Variants in PDE1C observed in about 807,000 individuals in gnomAD.
The protein encoded by PDE1C is phosphodiesterase 1C.
A neutral mutation model predicts 93.1 loss-of-function variants in PDE1C; 62 were observed. The observed-to-expected ratio is 0.67, with a 90% confidence interval of 0.54 to 0.82. The LOEUF (loss-of-function observed/expected upper bound fraction) is 0.82. PDE1C is among the 40% of genes least tolerant of loss of function. The pLI is 0.00. For synonymous variants in PDE1C, 325 were observed against 310.1 expected (o/e 1.05, Z -0.50); for missense variants, 742 against 884.6 (o/e 0.84, Z 2.04).
chr7:31,997,461 C>T (rs988880850), intron 2 of PDE1C, among the ~76,000 whole-genome samples: 1 of 152,102 alleles, frequency 6.6e-6, no homozygotes, highest in African/African-American at 2.4e-5. Flanking sequence ...GAAGCATTTC[C>T]ACAGAAAGCG....
chr7:31,710,740 TC>T, the PDE1C span, among the ~76,000 whole-genome samples: 1 of 152,174 alleles, frequency 6.6e-6, no homozygotes, highest in Non-Finnish European at 1.5e-5. Context: ...CTCAAAAATC[TC>T]CCCAAGGCAG....
chr7:31,816,111 G>C lies in PDE1C; in HGVS notation c.1626C>G (p.Ala542=), dbSNP rs371391797. The C allele has an allele frequency of 8.1e-6, 13 of 1,613,784 alleles. No individual in the cohort carries two copies. Among genetic ancestry groups the C allele is most frequent in the Non-Finnish European group, 7.6e-6 (9 of 1,179,922 alleles). The change falls in exon 15 of 18, where the codon GCC becomes GCG. Residue 542 remains alanine (A), a synonymous_variant. Coordinates refer to ENST00000396191, the MANE Select transcript of PDE1C (RefSeq NM_001191057.4). The part of the protein sequence containing the change: ...KKEAEEKARL[A]AEEQQKEMEA... ...CCATTTCCTTTTGCTGCTCCTCTGC[G>C]GCCAGGCGAGCCTTTTCCTCTGCTT... is the stretch of plus-strand genomic sequence containing the variant.
Position 32,005,578 on chromosome 7 carries a change from A to AAAAAAAAAAAAAAAAAAAAC in PDE1C, c.128+45975_128+45976insGTTTTTTTTTTTTTTTTTTT, listed in dbSNP as rs1204630246. On this transcript the variant is annotated intron_variant, in intron 2 of 17. Coordinates refer to ENST00000396191, the MANE Select transcript of PDE1C (RefSeq NM_001191057.4). ...TTCAAAAAAAAAAAAAAAAAAAAAA[A>AAAAAAAAAAAAAAAAAAAAC]AAAGAATTGTGATCTGAGAAATCAC... 2.4e-4 allele frequency among the ~76,000 whole-genome samples: 25 copies of AAAAAAAAAAAAAAAAAAAAC among 103,786 alleles called. 6 individuals are homozygous for AAAAAAAAAAAAAAAAAAAAC. The highest frequency in any genetic ancestry group is 6.7e-4 in the East Asian group (3 of 4,500). 68.1% of individuals were successfully genotyped at this position (103,786 alleles called of 152,430 possible). A position where few individuals can be genotyped will look rare whatever the true frequency, so the allele number is the denominator to read the frequency against.
chr7:31,934,990 T>C (rs938475945), intron 2 of PDE1C, among the ~76,000 whole-genome samples: 1 of 152,216 alleles, frequency 6.6e-6, no homozygotes, highest in Admixed American at 6.5e-5. Flanking sequence ...AGTGCTACAT[T>C]GTTAAACTAA....
chr7:31,909,029 C>A (rs1445299931), intron 2 of PDE1C, among the ~76,000 whole-genome samples: 1 of 152,146 alleles, frequency 6.6e-6, no homozygotes, highest in Non-Finnish European at 1.5e-5. Context: ...GTCTCCCCTG[C>A]AGATTTCAGA....
At chr7:32,298,533 C>T (rs1812773843) in intron 1 of PDE1C, 1 of 1,268,232 alleles carries the variant, frequency 7.9e-7, no homozygotes. Context: ...CCGGAGAGCA[C>T]CCTCCGGCCC....
chr7:31,866,287 T>A (rs1248170714), intron 6 of PDE1C, among the ~76,000 whole-genome samples: 4 of 152,234 alleles, frequency 2.6e-5, no homozygotes, highest in Non-Finnish European at 5.9e-5. Context: ...TTCTTCCATT[T>A]TACCATTTGC....
intron 1 of PDE1C, among the ~76,000 whole-genome samples, chr7:32,298,065 C>T (rs373329): frequency 0.61 from 12,853 of 21,096 alleles, 5,691 homozygotes; most frequent in East Asian, 0.8. Flanking sequence ...TCTCTCTCTC[C>T]CCTCTCTCTC....
chr7:31,827,308 T>C (rs939427960), intron 12 of PDE1C, among the ~76,000 whole-genome samples: 1 of 152,120 alleles, frequency 6.6e-6, no homozygotes, highest in Non-Finnish European at 1.5e-5. Context: ...AGATCACCAT[T>C]TGCCCAGACA....
chr7:31,899,404 C>T (rs1324053154), intron 2 of PDE1C, among the ~76,000 whole-genome samples: 1 of 152,120 alleles, frequency 6.6e-6, no homozygotes, highest in Non-Finnish European at 1.5e-5. Flanking sequence ...TCCCAAAGTG[C>T]TGGGATTACA....
chr7:31,753,576 CAG>C, intron 17 of PDE1C, 23 bp from the exon 18 acceptor site: 3 of 1,603,310 alleles, frequency 1.9e-6, no homozygotes, highest in Non-Finnish European at 2.6e-6. Flanking sequence ...GAAAGGAAGA[CAG>C]ACAACGGTTA....
In PDE1C at chr7:31,851,088, ACACACACACACAT is replaced by A. The variant is rs1188832390; in HGVS notation, c.751-360_751-348del. ...CACACACACACACACACACACACAC[ACACACACACACAT>A]AAAAAAATTAGAAATTTGAATGCAA... On this transcript the variant is annotated intron_variant, in intron 7 of 17. Coordinates refer to ENST00000396191, the MANE Select transcript of PDE1C (RefSeq NM_001191057.4). Among the ~76,000 whole-genome samples, 5 of 13,070 alleles carry A rather than the reference ACACACACACACAT, an allele frequency of 3.8e-4. No homozygotes were observed. In the East Asian group the frequency reaches 0.02, roughly 53 times the overall value. The allele number at this position is 13,070 out of a possible 152,430, so 8.6% of individuals were successfully genotyped here. A position where few individuals can be genotyped will look rare whatever the true frequency, so the allele number is the denominator to read the frequency against.
chr7:32,086,539 A>T (rs1797090307), intron 3 of PDE1C, among the ~76,000 whole-genome samples: 3 of 152,034 alleles, frequency 2.0e-5, no homozygotes, highest in Non-Finnish European at 4.4e-5. Flanking sequence ...AAGAGCCTGC[A>T]TCGCCAAGTC....
chr7:32,339,232 A>T (rs10447555), intron 1 of PDE1C, among the ~76,000 whole-genome samples: 1 of 152,088 alleles, frequency 6.6e-6, no homozygotes, highest in East Asian at 1.9e-4. Context: ...GTATTTAAAA[A>T]ATTTTTAGGT....
intron 1 of PDE1C, among the ~76,000 whole-genome samples, chr7:32,423,192 T>C (rs1251582755): frequency 6.6e-6 from 1 of 152,052 alleles, no homozygotes; most frequent in Non-Finnish European, 1.5e-5. Context: ...CTGGGCAACA[T>C]AGTGAGACCT....
At chr7:32,194,830 C>T (rs1274858931) in intron 2 of PDE1C, among the ~76,000 whole-genome samples, 1 of 152,022 alleles carries the variant, frequency 6.6e-6, no homozygotes, top group African/African-American at 2.4e-5. Context: ...TGTTTGTCCT[C>T]TTTATTTTTC....
chr7:32,296,351 TC>T (rs1812607763), intron 1 of PDE1C, among the ~76,000 whole-genome samples: 1 of 152,248 alleles, frequency 6.6e-6, no homozygotes, highest in East Asian at 1.9e-4. Flanking sequence ...CTTCATAAAC[TC>T]CCCATGATAT....
chr7:32,044,645 G>A (rs995849041), intron 2 of PDE1C, among the ~76,000 whole-genome samples: 10 of 152,134 alleles, frequency 6.6e-5, no homozygotes, highest in African/African-American at 1.2e-4. Flanking sequence ...GATCATGGGA[G>A]GGAAAGTAAT....
At chr7:32,141,368 A>T (rs1002134534) in intron 3 of PDE1C, among the ~76,000 whole-genome samples, 2 of 152,222 alleles carry the variant, frequency 1.3e-5, no homozygotes, top group African/African-American at 4.8e-5. Context: ...AGAGCATGGA[A>T]AGGGGAATAC....
Sources: gnomAD v4.1 joint callset for allele counts (sites outside exome capture counted in the v4.1 genomes callset) on GRCh38, gnomAD v4.1.1 for gene constraint, MANE v1.5 for transcripts, NCBI Gene and HGNC (gene_info 2026-07-23, HGNC 2026-07-21) for gene names.